MAOB: variants seen among roughly 807,000 people sequenced by gnomAD.
The protein encoded by MAOB is amine oxidase [flavin-containing] B.
Under a neutral mutation model 41.9 loss-of-function variants are expected in MAOB, and 15 were observed. The ratio of observed to expected loss-of-function variants is 0.36; its 90% CI spans 0.24 to 0.55. The LOEUF (loss-of-function observed/expected upper bound fraction) is 0.55, where lower values mean the gene tolerates loss of function less well. MAOB is among the 20% of genes least tolerant of loss of function. MAOB has a pLI of 0.86. For synonymous variants in MAOB, 167 were observed against 144.2 expected (o/e 1.16, Z -1.13); for missense variants, 345 against 398.7 (o/e 0.87, Z 1.15).
At chrX:43,818,424 T>G (rs1481232984) in intron 3 of MAOB, among the ~76,000 whole-genome samples, 1 of 111,875 alleles carries the variant, frequency 8.9e-6, no homozygotes, top group Admixed American at 9.5e-5. Flanking sequence ...GAGTTCAAAT[T>G]CAGGTGTGCT....
At chrX:43,821,885 G>A (rs2034885691) in intron 3 of MAOB, among the ~76,000 whole-genome samples, 1 of 111,857 alleles carries the variant, frequency 8.9e-6, no homozygotes, top group Admixed American at 9.5e-5. Flanking sequence ...ACACTTGGAG[G>A]TTAGAAATTA....
chrX:43,780,573 G>A (rs2034319795), intron 9 of MAOB, among the ~76,000 whole-genome samples, 178 bp from the exon 10 acceptor site: 1 of 112,163 alleles, frequency 8.9e-6, no homozygotes, highest in Admixed American at 9.4e-5. Flanking sequence ...TTCTGACACT[G>A]AAGAGCACTT....
At chrX:43,876,961 G>A (rs2035444107) in intron 1 of MAOB, among the ~76,000 whole-genome samples, 1 of 112,158 alleles carries the variant, frequency 8.9e-6, no homozygotes, top group Non-Finnish European at 1.9e-5. Context: ...GTTGCTAGTG[G>A]ACATTTTGTC....
chrX:43,793,498 G>A lies in MAOB; in HGVS notation c.849C>T (p.Asn283=). Residue 283 remains asparagine, a synonymous_variant, in exon 8 of 15, where the codon AAC becomes AAT. Coordinates refer to ENST00000378069, the MANE Select transcript of MAOB (RefSeq NM_000898.5). ...HFNPPLPMMR[N]QMITRVPLGS... ...CCAAAGGCACACGAGTGATCATCTG[G>A]TTTCTCATCATTGGCAGAGGGGGAT... The A allele has an allele frequency of 8.3e-7, 1 of 1,199,390 alleles. No homozygotes were observed. Among genetic ancestry groups the A allele is most frequent in the Non-Finnish European group, 1.1e-6 (1 of 884,946 alleles).
intron 3 of MAOB, among the ~76,000 whole-genome samples, chrX:43,836,041 G>A (rs2035068650): frequency 9.0e-6 from 1 of 111,417 alleles, no homozygotes; most frequent in Non-Finnish European, 1.9e-5. Flanking sequence ...CATGTTCCCT[G>A]ATAAAAAAGA....
intron 3 of MAOB, among the ~76,000 whole-genome samples, chrX:43,833,529 C>T (rs1181905633): frequency 9.0e-6 from 1 of 110,890 alleles, no homozygotes; most frequent in East Asian, 2.8e-4. Flanking sequence ...TGAGCTGGGC[C>T]CCCTGTCTTT....
intron 2 of MAOB, among the ~76,000 whole-genome samples, chrX:43,840,873 A>G (rs2035127700): frequency 9.3e-6 from 1 of 107,143 alleles, no homozygotes; most frequent in Non-Finnish European, 1.9e-5. Context: ...ATTTGGGCAG[A>G]CACCGAGCTA....
chrX:43,766,696 A>G lies in MAOB; in HGVS notation c.*770T>C, dbSNP rs184515383. 7.4e-4 allele frequency: 83 copies of G among 112,171 alleles called. 1 individual carries two copies. The highest frequency in any genetic ancestry group is 2.7e-3 in the African/African-American group (82 of 30,908). 9.2% of individuals were successfully genotyped at this position (112,171 alleles called of 1,213,427 possible). A position where few individuals can be genotyped will look rare whatever the true frequency, so the allele number is the denominator to read the frequency against. ...CAATGGAGGATACAAAAGGAAGAAG[A>G]GATAAAATTTCTACCATCAAAAAAG... On this transcript the variant is annotated 3_prime_UTR_variant, in exon 15 of 15. Transcript: ENST00000378069.
intron 3 of MAOB, among the ~76,000 whole-genome samples, chrX:43,822,855 C>A (rs748448082): frequency 8.1e-5 from 9 of 111,022 alleles, no homozygotes; most frequent in African/African-American, 2.9e-4. Flanking sequence ...ATCACCACCA[C>A]CACCACCAGT....
chrX:43,801,010 C>T (rs945341294), intron 5 of MAOB, among the ~76,000 whole-genome samples: 1 of 110,316 alleles, frequency 9.1e-6, no homozygotes, highest in African/African-American at 3.3e-5. Flanking sequence ...TTGATTCTGC[C>T]GATCTTCTAC....
chrX:43,861,730 G>T (rs1262434470), intron 1 of MAOB, among the ~76,000 whole-genome samples: 1 of 111,434 alleles, frequency 9.0e-6, no homozygotes, highest in East Asian at 2.8e-4. Flanking sequence ...TTCCTCTGGG[G>T]TATTTAAATT....
At chrX:43,780,502 A>G in intron 9 of MAOB, 107 bp from the exon 10 acceptor site, 1 of 496,615 alleles carries the variant, frequency 2.0e-6, no homozygotes, top group East Asian at 3.6e-5. Flanking sequence ...AGTCAACCAA[A>G]AGAAACAAAC....
intron 1 of MAOB, among the ~76,000 whole-genome samples, chrX:43,859,458 C>A (rs1312436013): frequency 9.0e-6 from 1 of 111,651 alleles, no homozygotes; most frequent in African/African-American, 3.3e-5. Flanking sequence ...AGCTTTTCTT[C>A]TTAAACTTCC....
chrX:43,793,656 T>C lies in MAOB; in HGVS notation c.769-78A>G, dbSNP rs73472070. On this transcript the variant is annotated intron_variant, in intron 7 of 14. Coordinates refer to ENST00000378069, the MANE Select transcript of MAOB (RefSeq NM_000898.5). ...TTCCCAATGATTCTCTCTCATTCTA[T>C]CGTTATATTCTTTTCAGTCTCTTAA... The C allele has an allele frequency of 6.7e-3, 5,523 of 830,517 alleles. 216 individuals carry two copies. The African/African-American group carries it at 0.1, about 15-fold the overall frequency. The allele number at this position is 830,517 out of a possible 1,213,427, so 68.4% of individuals were successfully genotyped here.
At chrX:43,769,107 C>T (rs766902786) in intron 13 of MAOB, among the ~76,000 whole-genome samples, 200 bp downstream of exon 13, 14 of 111,631 alleles carry the variant, frequency 1.3e-4, no homozygotes, top group South Asian at 3.8e-4. Flanking sequence ...CTTTTTACTT[C>T]GGGTGACATG....
chrX:43,810,634 C>G (rs1197834772), intron 3 of MAOB, among the ~76,000 whole-genome samples: 1 of 111,487 alleles, frequency 9.0e-6, no homozygotes, highest in African/African-American at 3.3e-5. Context: ...GTTAGAGGCT[C>G]TGGACTAGAA....
chrX:43,799,576 C>T (rs937574915), intron 5 of MAOB, among the ~76,000 whole-genome samples: 1 of 111,128 alleles, frequency 9.0e-6, no homozygotes, highest in Admixed American at 9.6e-5. Context: ...TTCTGAAGGG[C>T]CAGTCCATTC....
intron 3 of MAOB, among the ~76,000 whole-genome samples, chrX:43,837,688 A>C (rs2035087159): frequency 8.9e-6 from 1 of 112,490 alleles, no homozygotes; most frequent in African/African-American, 3.2e-5. Flanking sequence ...TGTTATATAA[A>C]TCAAAATTGA....
At chrX:43,817,306 G>A (rs1333791740) in intron 3 of MAOB, among the ~76,000 whole-genome samples, 7 of 110,167 alleles carry the variant, frequency 6.4e-5, no homozygotes. Context: ...AAAGCAGATT[G>A]CCCGAAATCA....
Sources: allele counts gnomAD v4.1 joint callset (sites outside exome capture counted in the v4.1 genomes callset), GRCh38; gene constraint gnomAD v4.1.1; transcripts MANE v1.5; gene names NCBI Gene and HGNC (gene_info 2026-07-23, HGNC 2026-07-21).